The following ZNF334 variants were observed in gnomAD, a reference collection of about 807,000 sequenced individuals.
ZNF334 encodes zinc finger protein 334.
A neutral mutation model predicts 12.4 loss-of-function variants in ZNF334; 14 were observed. That is an observed-to-expected ratio of 1.13 (90% CI 0.74 to 1.76). The LOEUF (loss-of-function observed/expected upper bound fraction) is 1.76, where lower values mean the gene tolerates loss of function less well. Among genes scored for constraint, ZNF334 ranks in the 40% most tolerant of loss-of-function variants. The pLI is 0.00. For missense variants in ZNF334, 797 were observed against 804.5 expected (o/e 0.99, Z 0.11); for synonymous variants, 273 against 269.6 (o/e 1.01, Z -0.12).
intron 2 of ZNF334, among the ~76,000 whole-genome samples, chr20:46,509,369 G>A (rs1334406116): frequency 6.6e-6 from 1 of 152,116 alleles, no homozygotes; most frequent in Non-Finnish European, 1.5e-5. Flanking sequence ...GGGGTAGTGA[G>A]GGTGAGGGAA....
the ZNF334 span, among the ~76,000 whole-genome samples, chr20:46,475,060 GT>G: frequency 6.7e-6 from 1 of 149,956 alleles, no homozygotes; most frequent in African/African-American, 2.5e-5. Context: ...GAAACTGTGG[GT>G]CTATTCCAAC....
chr20:46,469,711 A>G, the ZNF334 span, among the ~76,000 whole-genome samples: 1 of 151,942 alleles, frequency 6.6e-6, no homozygotes, highest in East Asian at 1.9e-4. Context: ...CTCTTTGCCG[A>G]CTGTGTGTGC....
chr20:46,475,774 C>T, the ZNF334 span, among the ~76,000 whole-genome samples: 1 of 152,148 alleles, frequency 6.6e-6, no homozygotes, highest in African/African-American at 2.4e-5. Flanking sequence ...AGTAACACCA[C>T]TACATGCTGG....
At chr20:46,470,366 C>T in the ZNF334 span, among the ~76,000 whole-genome samples, 1 of 152,150 alleles carries the variant, frequency 6.6e-6, no homozygotes, top group Non-Finnish European at 1.5e-5. Flanking sequence ...TGTCTCCTTC[C>T]TTTGTGTGCT....
intron 2 of ZNF334, among the ~76,000 whole-genome samples, chr20:46,506,875 G>A (rs1440394291): frequency 6.6e-6 from 1 of 152,104 alleles, no homozygotes; most frequent in Non-Finnish European, 1.5e-5. Flanking sequence ...ACTTCGGGAG[G>A]CTGAGGTGGG....
chr20:46,509,976 T>C (rs1426022267), intron 2 of ZNF334, among the ~76,000 whole-genome samples: 1 of 152,240 alleles, frequency 6.6e-6, no homozygotes, highest in Non-Finnish European at 1.5e-5. Flanking sequence ...ACAGAGACAG[T>C]ATCTCCTTCA....
chr20:46,496,162 C>T (rs1489238141), downstream of ZNF334, among the ~76,000 whole-genome samples: 1 of 152,148 alleles, frequency 6.6e-6, no homozygotes, highest in Non-Finnish European at 1.5e-5. Context: ...TGTCAAGCTG[C>T]TCCTTCGAAG....
At position 46,502,068 on chromosome 20, in the gene ZNF334, C is replaced by G; in HGVS notation, c.1271G>C (p.Arg424Pro). Residue 424 changes from arginine (R) to proline (P), a missense_variant, in exon 5 of 5, where the codon CGA (arginine) becomes CCA (proline). Transcript: ENST00000692313. Reference sequence around the variant, plus strand: ...GGGCTTCTCTCCTGTATGACTTCTTCGATGCACATTGAGGGCAGATTGACA... The same window carrying G: ...GGGCTTCTCTCCTGTATGACTTCTTGGATGCACATTGAGGGCAGATTGACA... ...FFCQSALNVH[R>P]RSHTGEKPYE... 1 of 1,614,150 alleles carries G rather than the reference C, an allele frequency of 6.2e-7. No individual in the cohort carries two copies. Among genetic ancestry groups the G allele is most frequent in the Non-Finnish European group, 8.5e-7 (1 of 1,180,016 alleles).
chr20:46,471,074 CAAT>C, the ZNF334 span, among the ~76,000 whole-genome samples: 3 of 152,168 alleles, frequency 2.0e-5, no homozygotes, highest in Non-Finnish European at 4.4e-5. Context: ...TCTTCACCAA[CAAT>C]GTGTGTGATT....
At chr20:46,498,021 A>G (rs2061053390), downstream of ZNF334, among the ~76,000 whole-genome samples, 2 of 152,250 alleles carry the variant, frequency 1.3e-5, no homozygotes, top group Non-Finnish European at 2.9e-5. Flanking sequence ...ATCTCTAGAA[A>G]GAAGCCTCCT....
At chr20:46,489,839 C>T in the ZNF334 span, among the ~76,000 whole-genome samples, 2 of 152,114 alleles carry the variant, frequency 1.3e-5, no homozygotes, top group African/African-American at 4.8e-5. Flanking sequence ...GCATCTCAGA[C>T]TAGAATGAAG....
chr20:46,498,638 G>A (rs1202877934), downstream of ZNF334, among the ~76,000 whole-genome samples: 1 of 152,120 alleles, frequency 6.6e-6, no homozygotes, highest in African/African-American at 2.4e-5. Flanking sequence ...GCTAATTTTG[G>A]GGATAATTTG....
chr20:46,485,971 C>A, the ZNF334 span, among the ~76,000 whole-genome samples: 2 of 152,182 alleles, frequency 1.3e-5, no homozygotes, highest in Admixed American at 1.3e-4. Context: ...AAGTTATAGT[C>A]ACTTTCACAT....
At position 46,502,210 on chromosome 20, in the gene ZNF334, T is replaced by C. The variant is rs776486099; in HGVS notation, c.1129A>G (p.Asn377Asp). 8.1e-6 allele frequency: 13 copies of C among 1,614,042 alleles called. No homozygotes were observed. The East Asian group carries it at 8.9e-5, about 11-fold the overall frequency. ...HQRTHRGEKP[N>D]ECKECGKTFF... The stretch of plus-strand genomic sequence containing the variant: ...GTTTTCCCACATTCCTTACATTCAT[T>C]TGGCTTCTCTCCTCTGTGAGTTCTT... Residue 377 changes from asparagine to aspartate, a missense_variant, in exon 5 of 5, where the codon AAT (asparagine) becomes GAT (aspartate). Asn to Asp is a conservative substitution (Grantham distance 23). Transcript: ENST00000692313.
the ZNF334 span, among the ~76,000 whole-genome samples, chr20:46,487,755 T>C: frequency 1.5e-3 from 231 of 152,326 alleles, 1 homozygote; most frequent in African/African-American, 5.4e-3. Context: ...ATGGTATGTA[T>C]TTTCCTAACG....
At chr20:46,477,523 G>A in the ZNF334 span, among the ~76,000 whole-genome samples, 1 of 152,178 alleles carries the variant, frequency 6.6e-6, no homozygotes, top group Non-Finnish European at 1.5e-5. Flanking sequence ...TGTTTGTAGA[G>A]ACAAGGTCTT....
In ZNF334 at chr20:46,507,275, GA is replaced by G. The variant is rs2061468823; in HGVS notation, c.22-2536del. Among the ~76,000 whole-genome samples the G allele has an allele frequency of 4.6e-5, 7 of 151,962 alleles. No homozygotes were observed. The East Asian group carries it at 1.4e-3, about 29-fold the overall frequency. ...GAAGGGGAAGGGGAAAGGAAATAAA[GA>G]AAAGGCTAGGATGAACCCTGCAAAA... On this transcript the variant is annotated intron_variant, in intron 2 of 4. Transcript: ENST00000692313.
At chr20:46,472,491 A>G in the ZNF334 span, among the ~76,000 whole-genome samples, 8 of 152,214 alleles carry the variant, frequency 5.3e-5, no homozygotes, top group Non-Finnish European at 8.8e-5. Context: ...ATAGCTTTTA[A>G]GTCGATATTT....
At position 46,502,333 on chromosome 20, in the gene ZNF334, G is replaced by C; in HGVS notation, c.1006C>G (p.Leu336Val). The change falls in exon 5 of 5, where the codon CTG becomes GTG. Residue 336 changes from leucine to valine, a missense_variant. By Grantham distance (32) the Leu-to-Val change is conservative (BLOSUM62 1). Coordinates refer to ENST00000692313, the MANE Select transcript of ZNF334 (RefSeq NM_001353824.2). ...CGKTFFRKSALAEHFRSHTGE... is the reference protein window; with the variant it reads ...CGKTFFRKSAVAEHFRSHTGE... ...GTGTGTGACCTGAAATGTTCAGCCA[G>C]GGCTGACTTCCGAAAAAAGGTCTTT... 1 of 1,614,086 alleles carries C rather than the reference G, an allele frequency of 6.2e-7. No homozygotes were observed. The highest frequency in any genetic ancestry group is 8.5e-7 in the Non-Finnish European group (1 of 1,180,008).
Sources: gnomAD v4.1 joint callset for allele counts (sites outside exome capture counted in the v4.1 genomes callset) on GRCh38, gnomAD v4.1.1 for gene constraint, MANE v1.5 for transcripts, NCBI Gene and HGNC (gene_info 2026-07-23, HGNC 2026-07-21) for gene names.